KIR3DL1: variants seen among roughly 807,000 people sequenced by gnomAD.
The protein encoded by KIR3DL1 is killer cell immunoglobulin-like receptor 3DL1.
A neutral mutation model predicts 40.3 loss-of-function variants in KIR3DL1; 50 were observed. The ratio of observed to expected loss-of-function variants is 1.24; its 90% CI spans 0.99 to 1.57. The LOEUF is 1.57. Among genes scored for constraint, KIR3DL1 ranks in the 40% most tolerant of loss-of-function variants. The pLI, the probability that KIR3DL1 is intolerant of heterozygous loss-of-function variation, is 0.00. For synonymous variants in KIR3DL1, 257 were observed against 207.2 expected, an observed-to-expected ratio of 1.24 and a Z score of -2.07; for missense variants, 661 against 559.9, an observed-to-expected ratio of 1.18 and a Z score of -1.82.
At chr19:54,827,402 C>A (rs1368545841) in intron 6 of KIR3DL1, among the ~76,000 whole-genome samples, 1 of 150,250 alleles carries the variant, frequency 6.7e-6, no homozygotes, top group East Asian at 1.9e-4. Flanking sequence ...ACCAGCCTGG[C>A]CAACATGGAG....
exon 8 of KIR3DL1, chr19:54,829,968 A>G: frequency 6.6e-7 from 1 of 1,524,198 alleles, no homozygotes; most frequent in Non-Finnish European, 8.9e-7. Flanking sequence ...GGAACAGAAC[A>G]GCCAACAGCG....
At chr19:54,826,163 T>C (rs1357690295) in intron 6 of KIR3DL1, among the ~76,000 whole-genome samples, 1 of 150,520 alleles carries the variant, frequency 6.6e-6, no homozygotes, top group Non-Finnish European at 1.5e-5. Flanking sequence ...TCTCCTGCCT[T>C]CCACGAACGG....
chr19:54,825,339 C>A (rs631263), intron 6 of KIR3DL1, among the ~76,000 whole-genome samples: 31,375 of 149,406 alleles, frequency 0.21, 3,691 homozygotes, highest in South Asian at 0.32. Context: ...TCTCAGGAAA[C>A]ATGCAGTGTT....
rs111931906 is a variant in KIR3DL1 at position 54,819,607 on chromosome 19, G to A, written c.356-106G>A. The A allele has an allele frequency of 9.0e-6, 12 of 1,328,122 alleles. No homozygotes were observed. The South Asian group carries it at 1.5e-4, about 16-fold the overall frequency. The allele number at this position is 1,328,122 out of a possible 1,614,324, so 82.3% of individuals were successfully genotyped here. A position where few individuals can be genotyped will look rare whatever the true frequency, so the allele number is the denominator to read the frequency against. On this transcript the variant is annotated intron_variant, in intron 3 of 8. Transcript: ENST00000391728. ...CAGAAAAGACACGGAGATGCAGAGA[G>A]GGAGGAGAGAGACAGACACGGGGAG...
chr19:54,824,360 A>G (rs1743333), intron 5 of KIR3DL1, among the ~76,000 whole-genome samples: 26,486 of 150,034 alleles, frequency 0.18, 1,911 homozygotes, highest in South Asian at 0.3. Context: ...TCCTGATTGT[A>G]AGTTCTCGGC....
At position 54,820,038 on chromosome 19, in the gene KIR3DL1, A is replaced by C. The variant is rs751684880; in HGVS notation, c.655+26A>C. The stretch of plus-strand genomic sequence containing the variant: ...GTGAGAGTGTCTAGACATTGTTCTC[A>C]TTGTCACTGGGACACAGAGTGAATG... On this transcript the variant is annotated intron_variant, in intron 4 of 8. Coordinates refer to ENST00000391728, the Ensembl canonical transcript of KIR3DL1. The C allele has an allele frequency of 5.6e-6, 9 of 1,600,552 alleles. 1 individual carries two copies. The South Asian group carries it at 7.8e-5, about 14-fold the overall frequency.
intron 4 of KIR3DL1, among the ~76,000 whole-genome samples, chr19:54,820,785 T>G (rs1444435595): frequency 2.0e-5 from 3 of 150,728 alleles, no homozygotes; most frequent in Non-Finnish European, 4.4e-5. Context: ...ATCAGAACCC[T>G]GAGGGAGGGA....
chr19:54,817,631 G>C, intron 2 of KIR3DL1, 62 bp downstream of exon 2: 1 of 1,354,282 alleles, frequency 7.4e-7, no homozygotes. Context: ...TCCTGAAATG[G>C]GAGGGAAGTC....
At chr19:54,821,853 T>A in exon 5 of KIR3DL1, 1 of 1,600,626 alleles carries the variant, frequency 6.2e-7, no homozygotes, top group Non-Finnish European at 8.5e-7. Context: ...CTTGTTTCTG[T>A]CACAGGTGAG....
chr19:54,823,693 T>A (rs1016709837), intron 5 of KIR3DL1, among the ~76,000 whole-genome samples: 2 of 151,312 alleles, frequency 1.3e-5, no homozygotes, highest in African/African-American at 4.9e-5. Context: ...AGAGGGAGTT[T>A]CTCCATGATG....
Position 54,827,267 on chromosome 19 carries a change from G to C in KIR3DL1, c.1001-2094G>C, listed in dbSNP as rs558454110. Reference sequence around the variant, plus strand: ...TGGCAAAGGAGTGACAGATATATGAGGGGTGGTGGAAATGAAGGGACCTAT... The same window carrying C: ...TGGCAAAGGAGTGACAGATATATGACGGGTGGTGGAAATGAAGGGACCTAT... On this transcript the variant is annotated intron_variant, in intron 6 of 8. Transcript: ENST00000391728. 5.7e-4 allele frequency among the ~76,000 whole-genome samples: 87 copies of C among 151,398 alleles called. 3 individuals carry two copies. Among genetic ancestry groups the C allele is most frequent in the African/African-American group, 1.9e-3 (76 of 40,836 alleles).
At chr19:54,821,498 G>C in intron 4 of KIR3DL1, 67 bp from the exon 5 acceptor site, 1 of 1,525,870 alleles carries the variant, frequency 6.6e-7, no homozygotes, top group Admixed American at 1.9e-5. Flanking sequence ...TGAGTTCTCA[G>C]CTCAGGTATG....
At chr19:54,820,079 C>A (rs1255031917) in intron 4 of KIR3DL1, 67 bp downstream of exon 4, 1 of 1,519,260 alleles carries the variant, frequency 6.6e-7, no homozygotes, top group Non-Finnish European at 9.0e-7. Context: ...GGACTTGGAA[C>A]CCCCAGGTGG....
intron 6 of KIR3DL1, among the ~76,000 whole-genome samples, chr19:54,827,329 C>T (rs574842939): frequency 5.3e-5 from 8 of 151,298 alleles, no homozygotes; most frequent in Admixed American, 4.6e-4. Context: ...CGGTGGCTCA[C>T]TCCTGTAACC....
intron 6 of KIR3DL1, among the ~76,000 whole-genome samples, chr19:54,826,358 A>T (rs2061888735): frequency 6.7e-6 from 1 of 150,182 alleles, no homozygotes; most frequent in African/African-American, 2.5e-5. Context: ...TCTGTCTTCC[A>T]GGCTACAGTG....
chr19:54,818,512 G>T, exon 3 of KIR3DL1: 1 of 1,611,518 alleles, frequency 6.2e-7, no homozygotes, highest in South Asian at 1.1e-5. Context: ...CACAGCACAT[G>T]CAGGGAACTA....
chr19:54,819,009 G>A (rs62124097), intron 3 of KIR3DL1, among the ~76,000 whole-genome samples: 27,688 of 149,900 alleles, frequency 0.18, 2,994 homozygotes, highest in South Asian at 0.31. Flanking sequence ...GGGCTTTGAA[G>A]GTGGAGGAAG....
intron 5 of KIR3DL1, among the ~76,000 whole-genome samples, chr19:54,822,148 C>T (rs1277819580): frequency 1.3e-5 from 2 of 151,208 alleles, no homozygotes; most frequent in African/African-American, 4.9e-5. Context: ...GAGGTTCCCT[C>T]AGCCCCTCAA....
rs570756882 is a variant in KIR3DL1 at position 54,817,389 on chromosome 19, T to C, written c.35-145T>C. Reference sequence around the variant, plus strand: ...TCAGTCTCTGCACAGCCGAGATCCTTGTTCCTGGGGGCAGGTAGGCAGCGA... The same window carrying C: ...TCAGTCTCTGCACAGCCGAGATCCTCGTTCCTGGGGGCAGGTAGGCAGCGA... On this transcript the variant is annotated intron_variant, in intron 1 of 8. Coordinates refer to ENST00000391728, the Ensembl canonical transcript of KIR3DL1. 5.0e-4 allele frequency: 365 copies of C among 728,240 alleles called. 9 individuals are homozygous for C. In the Middle Eastern group the frequency reaches 5.4e-3, roughly 11 times the overall value. The allele number at this position is 728,240 out of a possible 1,614,324, so 45.1% of individuals were successfully genotyped here.
Sources: allele counts gnomAD v4.1 joint callset (sites outside exome capture counted in the v4.1 genomes callset), GRCh38; gene constraint gnomAD v4.1.1; transcripts MANE v1.5; gene names NCBI Gene and HGNC (gene_info 2026-07-23, HGNC 2026-07-21).